The following CAPN7 variants were observed in gnomAD, a reference collection of about 807,000 sequenced individuals.
The protein encoded by CAPN7 is calpain 7.
In CAPN7, 72 loss-of-function variants were observed where a neutral mutation model predicts 115.2. The observed-to-expected ratio is 0.63, with a 90% confidence interval of 0.52 to 0.76. CAPN7 has a LOEUF of 0.76. Among genes scored for constraint, CAPN7 ranks in the 30% least tolerant of loss-of-function variants. The pLI is 0.00. For synonymous variants in CAPN7, 344 were observed against 322.3 expected, an observed-to-expected ratio of 1.07 and a Z score of -0.72; for missense variants, 905 against 971.5, an observed-to-expected ratio of 0.93 and a Z score of 0.91.
At chr3:15,220,653 T>C in intron 4 of CAPN7, 128 bp from the exon 5 acceptor site, 4 of 696,586 alleles carry the variant, frequency 5.7e-6, no homozygotes, top group Non-Finnish European at 4.9e-6. Flanking sequence ...TTGATTAGTA[T>C]GTAAGAATTT....
chr3:15,209,235 C>T (rs1312117872), intron 1 of CAPN7, among the ~76,000 whole-genome samples: 1 of 152,152 alleles, frequency 6.6e-6, no homozygotes, highest in Non-Finnish European at 1.5e-5. Context: ...GTCTCAAACT[C>T]CCGACCTCAG....
At chr3:15,241,074 G>T (rs528678278) in intron 14 of CAPN7, among the ~76,000 whole-genome samples, 1 of 152,108 alleles carries the variant, frequency 6.6e-6, no homozygotes, top group Non-Finnish European at 1.5e-5. Flanking sequence ...GCATTGTGGC[G>T]CACACTTGTA....
intron 19 of CAPN7, among the ~76,000 whole-genome samples, chr3:15,248,529 T>C (rs1695806399): frequency 6.6e-6 from 1 of 152,312 alleles, no homozygotes; most frequent in East Asian, 1.9e-4. Context: ...AAAAGCTCTG[T>C]CGAGGGACAG....
At chr3:15,207,309 T>A (rs796175579) in intron 1 of CAPN7, among the ~76,000 whole-genome samples, 20 of 151,980 alleles carry the variant, frequency 1.3e-4, no homozygotes, top group African/African-American at 4.6e-4. Context: ...AAAAAAAAAA[T>A]ACTACACCAG....
Position 15,220,995 on chromosome 3 carries a change from C to G in CAPN7, c.638+14C>G. On this transcript the variant is annotated intron_variant, in intron 5 of 20. Coordinates refer to ENST00000253693, the MANE Select transcript of CAPN7 (RefSeq NM_014296.3). ...AGAAGTACTCAGGTAAATAAGTTTA[C>G]AATTAATTGTAATGAAGAATTTTGT... 6.2e-7 allele frequency: 1 copy of G among 1,600,744 alleles called. No individual in the cohort carries two copies. Among genetic ancestry groups the G allele is most frequent in the Non-Finnish European group, 8.6e-7 (1 of 1,168,552 alleles).
chr3:15,230,976 T>C (rs1389690645), intron 9 of CAPN7, among the ~76,000 whole-genome samples: 1 of 152,196 alleles, frequency 6.6e-6, no homozygotes, highest in Non-Finnish European at 1.5e-5. Flanking sequence ...CAAATTTCTT[T>C]AAGGAAAGAC....
At chr3:15,215,141 C>T (rs1575163451) in intron 2 of CAPN7, among the ~76,000 whole-genome samples, 1 of 152,042 alleles carries the variant, frequency 6.6e-6, no homozygotes, top group Non-Finnish European at 1.5e-5. Flanking sequence ...AACATCAGCA[C>T]AAACTGGGCA....
At chr3:15,244,667 A>G (rs141622453) in intron 16 of CAPN7, among the ~76,000 whole-genome samples, 1 of 152,356 alleles carries the variant, frequency 6.6e-6, no homozygotes, top group East Asian at 1.9e-4. Context: ...AACATATAGT[A>G]ATTGTCATGC....
intron 2 of CAPN7, among the ~76,000 whole-genome samples, chr3:15,214,025 C>T (rs1417778706): frequency 1.3e-5 from 2 of 152,068 alleles, no homozygotes; most frequent in African/African-American, 2.4e-5. Flanking sequence ...AGACTACAGG[C>T]GCCTGCCACC....
chr3:15,215,017 C>G (rs185108334), intron 2 of CAPN7, among the ~76,000 whole-genome samples: 1 of 152,340 alleles, frequency 6.6e-6, no homozygotes, highest in East Asian at 1.9e-4. Flanking sequence ...TCAATAATGC[C>G]AGGCTGAGAA....
At chr3:15,219,557 C>A (rs1693840096) in intron 4 of CAPN7, among the ~76,000 whole-genome samples, 1 of 152,198 alleles carries the variant, frequency 6.6e-6, no homozygotes, top group South Asian at 2.1e-4. Context: ...TTTATTACGT[C>A]TGTGGCTAAC....
intron 16 of CAPN7, among the ~76,000 whole-genome samples, chr3:15,244,154 G>T (rs762151376): frequency 6.6e-5 from 10 of 152,172 alleles, no homozygotes; most frequent in Admixed American, 1.3e-4. Flanking sequence ...ATCAGAAGTG[G>T]TTTAAGTCTT....
rs753081016 is a variant in CAPN7, at chr3:15,217,450, G to C, written c.237G>C (p.Leu79Phe). Reference sequence around the variant, plus strand: ...TTCAGTCAAAGAGTGCTGATCCTTTGAAGTCAAAACATCAGTTGGACTTAG... The same window carrying C: ...TTCAGTCAAAGAGTGCTGATCCTTTCAAGTCAAAACATCAGTTGGACTTAG... ...SAVQSKSADP[L>F]KSKHQLDLER... Residue 79 changes from leucine (L) to phenylalanine (F), a missense_variant, in exon 3 of 21, where the codon TTG (leucine) becomes TTC (phenylalanine). By Grantham distance (22) the Leu-to-Phe change is conservative. Around this residue, in one of 3 missense-constraint regions of CAPN7, gnomAD observed 271 missense variants for 239.6 expected, o/e 1.13. Coordinates refer to ENST00000253693, the MANE Select transcript of CAPN7 (RefSeq NM_014296.3). 3 of 1,612,908 alleles carry C rather than the reference G, an allele frequency of 1.9e-6. No individual in the cohort carries two copies. Among genetic ancestry groups the C allele is most frequent in the Non-Finnish European group, 2.5e-6 (3 of 1,179,584 alleles).
chr3:15,242,338 T>G (rs1293534313), intron 16 of CAPN7, 85 bp downstream of exon 16: 6 of 827,200 alleles, frequency 7.3e-6, no homozygotes, highest in Non-Finnish European at 1.1e-5. Flanking sequence ...ACACATTTTA[T>G]GTAGATAATA....
intron 5 of CAPN7, 200 bp downstream of exon 5, chr3:15,221,181 T>G (rs761833580): frequency 3.4e-4 from 141 of 420,500 alleles, no homozygotes; most frequent in East Asian, 1.2e-3. Flanking sequence ...ATTTTATTAT[T>G]TTCATTTGTA....
At position 15,229,044 on chromosome 3, in the gene CAPN7, A is replaced by G. The variant is rs773179390; in HGVS notation, c.923A>G (p.Lys308Arg). ...GCAGCTTATGAAAGACGTTTTAATA[A>G]GAAGTTAATTACCGGGTAAAAATGT... ...ISAAYERRFN[K>R]KLITGIIYPQ... The change falls in exon 8 of 21, where the codon AAG (lysine) becomes AGG (arginine). Residue 308 changes from lysine (K) to arginine (R), a missense_variant. Around this residue, in one of 3 missense-constraint regions of CAPN7, gnomAD observed 620 missense variants for 703.4 expected, o/e 0.88. Transcript: ENST00000253693. 4.3e-6 allele frequency: 7 copies of G among 1,612,764 alleles called. No homozygotes were observed. The South Asian group carries it at 5.5e-5, about 13-fold the overall frequency.
chr3:15,210,856 A>G (rs774236934), intron 1 of CAPN7: 5 of 1,289,458 alleles, frequency 3.9e-6, no homozygotes, highest in African/African-American at 3.0e-5. Flanking sequence ...GATGTTCAGT[A>G]GATGGCATCT....
intron 8 of CAPN7, among the ~76,000 whole-genome samples, 183 bp downstream of exon 8, chr3:15,229,242 AT>A (rs1161786763): frequency 6.6e-6 from 1 of 152,246 alleles, no homozygotes; most frequent in Non-Finnish European, 1.5e-5. Context: ...TTAAGAACCT[AT>A]ACACGTAGTT....
intron 6 of CAPN7, 72 bp downstream of exon 6, chr3:15,223,633 G>A: frequency 1.1e-6 from 1 of 884,052 alleles, no homozygotes; most frequent in Non-Finnish European, 1.8e-6. Flanking sequence ...CAATTTAATA[G>A]CCTTGAAATT....
Sources: allele counts gnomAD v4.1 joint callset (sites outside exome capture counted in the v4.1 genomes callset), GRCh38; gene constraint gnomAD v4.1.1; regional missense constraint gnomAD v4.1.1; transcripts MANE v1.5; gene names NCBI Gene and HGNC (gene_info 2026-07-23, HGNC 2026-07-21).